Variants in VTI1A observed in about 807,000 individuals in gnomAD.
The protein encoded by VTI1A is vesicle transport through interaction with t-SNAREs 1A.
In VTI1A, 22 loss-of-function variants were observed where a neutral mutation model predicts 34.9. The observed-to-expected ratio is 0.63, with a 90% confidence interval of 0.45 to 0.90. VTI1A has a LOEUF of 0.90. VTI1A is among the 40% of genes least tolerant of loss of function. The pLI is 0.00. For missense variants in VTI1A, 268 were observed against 275.6 expected (o/e 0.97, Z 0.20); for synonymous variants, 87 against 97.3 (o/e 0.89, Z 0.62).
chr10:112,787,411 C>G (rs992667591), intron 7 of VTI1A, among the ~76,000 whole-genome samples: 18 of 151,990 alleles, frequency 1.2e-4, no homozygotes, highest in Non-Finnish European at 1.8e-4. Flanking sequence ...TGCTCTAACC[C>G]TTACTCCTTT....
intron 7 of VTI1A, among the ~76,000 whole-genome samples, chr10:112,785,272 A>G (rs552713257): frequency 9.1e-4 from 138 of 152,334 alleles, no homozygotes; most frequent in Non-Finnish European, 1.7e-3. Context: ...GAAGGCAGCC[A>G]TTCCTTCAGA....
At chr10:112,544,443 C>T (rs1850995259) in intron 5 of VTI1A, among the ~76,000 whole-genome samples, 1 of 152,068 alleles carries the variant, frequency 6.6e-6, no homozygotes, top group African/African-American at 2.4e-5. Flanking sequence ...TTAAGTTATC[C>T]ACCCACCTTG....
chr10:112,683,925 C>T (rs1001700424), intron 7 of VTI1A, among the ~76,000 whole-genome samples: 4 of 152,006 alleles, frequency 2.6e-5, no homozygotes, highest in African/African-American at 9.7e-5. Flanking sequence ...TGCCTGTAAT[C>T]GCAGCTACTC....
chr10:112,825,852 A>G, the VTI1A span: 1 of 152,230 alleles, frequency 6.6e-6, no homozygotes, highest in Non-Finnish European at 1.5e-5. Context: ...TGCCGCTTTG[A>G]TAATTCCACA....
At chr10:112,505,989 G>T (rs1173607116) in intron 3 of VTI1A, among the ~76,000 whole-genome samples, 4 of 152,078 alleles carry the variant, frequency 2.6e-5, no homozygotes, top group Non-Finnish European at 4.4e-5. Flanking sequence ...CTCTTACTGT[G>T]CCTAATTTAT....
chr10:112,737,297 T>C (rs1850521010), intron 7 of VTI1A: 2 of 1,004,078 alleles, frequency 2.0e-6, no homozygotes, highest in African/African-American at 3.5e-5. Context: ...TTGGCCAGGA[T>C]GGTCTCGATC....
chr10:112,855,179 TTCCTATTTTG>T, the VTI1A span, among the ~76,000 whole-genome samples: 6 of 152,170 alleles, frequency 3.9e-5, no homozygotes, highest in Admixed American at 3.9e-4. Flanking sequence ...TGTGTTGAAC[TTCCTATTTTG>T]TCACTCTCTG....
chr10:112,784,917 A>G (rs111948740), intron 7 of VTI1A, among the ~76,000 whole-genome samples: 1 of 152,218 alleles, frequency 6.6e-6, no homozygotes, highest in Non-Finnish European at 1.5e-5. Context: ...ATTTCTGCAT[A>G]GCTGAAAACA....
chr10:112,572,168 T>C (rs1852150459), intron 5 of VTI1A, among the ~76,000 whole-genome samples: 2 of 152,252 alleles, frequency 1.3e-5, no homozygotes, highest in South Asian at 4.1e-4. Context: ...TGGTTGATTG[T>C]AGAATTCTGT....
At chr10:112,541,141 C>A (rs978032678) in intron 5 of VTI1A, among the ~76,000 whole-genome samples, 8 of 151,734 alleles carry the variant, frequency 5.3e-5, no homozygotes, top group Non-Finnish European at 1.2e-4. Context: ...TTTTTCTTTA[C>A]TTAGAAGAAT....
At chr10:112,661,205 A>G (rs1215389097) in intron 5 of VTI1A, among the ~76,000 whole-genome samples, 1 of 152,128 alleles carries the variant, frequency 6.6e-6, no homozygotes, top group Admixed American at 6.6e-5. Context: ...TTGGTCTCGA[A>G]CTTCTGACCT....
At chr10:112,649,648 G>A (rs541293300) in intron 5 of VTI1A, among the ~76,000 whole-genome samples, 2 of 152,096 alleles carry the variant, frequency 1.3e-5, no homozygotes, top group Non-Finnish European at 2.9e-5. Flanking sequence ...GATGCATTCC[G>A]AGAAATGCAT....
At chr10:112,569,890 A>G (rs989607980) in intron 5 of VTI1A, among the ~76,000 whole-genome samples, 1 of 152,248 alleles carries the variant, frequency 6.6e-6, no homozygotes, top group Non-Finnish European at 1.5e-5. Context: ...TATGAAGCTA[A>G]TAGGAACCTA....
intron 1 of VTI1A, 76 bp from the exon 2 acceptor site, chr10:112,460,448 A>G (rs1847694178): frequency 7.8e-7 from 1 of 1,288,190 alleles, no homozygotes; most frequent in East Asian, 2.6e-5. Context: ...GGAAAAAGGC[A>G]TATAAAAATT....
chr10:112,534,407 T>C (rs1157756358), intron 4 of VTI1A, among the ~76,000 whole-genome samples: 1 of 152,144 alleles, frequency 6.6e-6, no homozygotes, highest in African/African-American at 2.4e-5. Context: ...TATATTGCAA[T>C]TTAAAAATTG....
Position 112,811,712 on chromosome 10 carries a change from A to AAAAAAAAAAAAAAAAAAAAGAT in VTI1A, c.561-3578_561-3577insAAAAAAAAAAAAAAAAAAAGAT, listed in dbSNP as rs67154330. Among the ~76,000 whole-genome samples, 12 of 84,046 alleles carry AAAAAAAAAAAAAAAAAAAAGAT rather than the reference A, an allele frequency of 1.4e-4. 5 individuals carry two copies. Among genetic ancestry groups the AAAAAAAAAAAAAAAAAAAAGAT allele is most frequent in the African/African-American group, 5.7e-4 (12 of 21,078 alleles). The allele number at this position is 84,046 out of a possible 152,430, so 55.1% of individuals were successfully genotyped here. A position where few individuals can be genotyped will look rare whatever the true frequency, so the allele number is the denominator to read the frequency against. ...AAAAAAAAAAAAAAAAAAAAAAAAA[A>AAAAAAAAAAAAAAAAAAAAGAT]GAGTGCAGTCCATGCCTGGAAGTAG... On this transcript the variant is annotated intron_variant, in intron 7 of 7. Coordinates refer to ENST00000393077, the MANE Select transcript of VTI1A (RefSeq NM_145206.4).
intron 7 of VTI1A, among the ~76,000 whole-genome samples, chr10:112,757,272 C>T (rs932155900): frequency 6.6e-6 from 1 of 150,782 alleles, no homozygotes; most frequent in Non-Finnish European, 1.5e-5. Flanking sequence ...CTATTCCACA[C>T]ACAACTTGCC....
intron 5 of VTI1A, among the ~76,000 whole-genome samples, chr10:112,554,774 T>C (rs1851486385): frequency 6.6e-6 from 1 of 152,152 alleles, no homozygotes; most frequent in East Asian, 1.9e-4. Context: ...AATATTTGCC[T>C]CTTCTTTCTT....
chr10:112,567,503 T>C (rs192322507), intron 5 of VTI1A, among the ~76,000 whole-genome samples: 224 of 152,320 alleles, frequency 1.5e-3, no homozygotes, highest in African/African-American at 5.2e-3. Flanking sequence ...CTATCAGAAA[T>C]AATAGGTTGA....
Sources: gnomAD v4.1 joint callset for allele counts (sites outside exome capture counted in the v4.1 genomes callset) on GRCh38, gnomAD v4.1.1 for gene constraint, MANE v1.5 for transcripts, NCBI Gene and HGNC (gene_info 2026-07-23, HGNC 2026-07-21) for gene names.